The following AMER3 variants were observed in gnomAD, a reference collection of about 807,000 sequenced individuals.
AMER3 encodes APC membrane recruitment protein 3.
For missense variants in AMER3, 1,201 were observed against 1,139.4 expected (o/e 1.05, Z -0.78); for synonymous variants, 541 against 485.5 (o/e 1.11, Z -1.50).
rs1261329445 is a variant in AMER3 at position 130,767,384 on chromosome 2, A to T, written c.*2726A>T. On this transcript the variant is annotated 3_prime_UTR_variant, in exon 2 of 2. Transcript: ENST00000321420. ...GTGCTAGGGAAATCCCATCTCATGCAGAGCTCCCACCAAGAGGAGCGTGAG... is the reference window on the plus strand; with the variant it reads ...GTGCTAGGGAAATCCCATCTCATGCTGAGCTCCCACCAAGAGGAGCGTGAG... 6.0e-6 allele frequency: 1 copy of T among 166,926 alleles called. No homozygotes were observed. The highest frequency in any genetic ancestry group is 1.5e-5 in the Non-Finnish European group (1 of 68,158). The allele number at this position is 166,926 out of a possible 1,614,324, so 10.3% of individuals were successfully genotyped here. A position where few individuals can be genotyped will look rare whatever the true frequency, so the allele number is the denominator to read the frequency against.
At chr2:130,757,990 C>T (rs1029342247) in intron 1 of AMER3, among the ~76,000 whole-genome samples, 4 of 152,088 alleles carry the variant, frequency 2.6e-5, no homozygotes, top group Admixed American at 6.6e-5. Context: ...AAAAATTAGC[C>T]GGGCATGGTG....
At position 130,767,745 on chromosome 2, in the gene AMER3, TC is replaced by T. The variant is rs767942885; in HGVS notation, c.*3089del. 9 of 167,278 alleles carry T rather than the reference TC, an allele frequency of 5.4e-5. No homozygotes were observed. Among genetic ancestry groups the T allele is most frequent in the Non-Finnish European group, 1.3e-4 (9 of 68,270 alleles). The allele number at this position is 167,278 out of a possible 1,614,324, so 10.4% of individuals were successfully genotyped here. A position where few individuals can be genotyped will look rare whatever the true frequency, so the allele number is the denominator to read the frequency against. ...AGTTTCACCAGATTCGCTTACCTGA[TC>T]CTTGCATCAACCTCAATGCAGTTGT... On this transcript the variant is annotated 3_prime_UTR_variant, in exon 2 of 2. Transcript: ENST00000321420.
Position 130,763,687 on chromosome 2 carries a change from G to A in AMER3, c.1615G>A (p.Ala539Thr), listed in dbSNP as rs1382825465. The change falls in exon 2 of 2, where the codon GCA becomes ACA. Residue 539 changes from alanine (A) to threonine (T), a missense_variant. Ala to Thr is a moderately conservative substitution (Grantham distance 58). Coordinates refer to ENST00000321420, the MANE Select transcript of AMER3 (RefSeq NM_152698.3). The stretch of plus-strand genomic sequence containing the variant: ...ACCTGGTTCCCAGGGAGCCCCTAGG[G>A]CACCCACAGAGAAGCTGGGGGGCAG... ...APPGSQGAPR[A>T]PTEKLGGREG... 6.5e-7 allele frequency: 1 copy of A among 1,539,324 alleles called. No individual in the cohort carries two copies. Among genetic ancestry groups the A allele is most frequent in the Admixed American group, 2.1e-5 (1 of 47,690 alleles).
rs1264854124 is a variant in AMER3, at chr2:130,763,184, C to T, written c.1112C>T (p.Thr371Ile). 1 of 1,613,554 alleles carries T rather than the reference C, an allele frequency of 6.2e-7. No homozygotes were observed. The highest frequency in any genetic ancestry group is 1.3e-5 in the African/African-American group (1 of 74,932). Reference protein sequence around the residue: ...GSKASSIDTGTPKSEQPESVS... With the variant: ...GSKASSIDTGIPKSEQPESVS... ...AAAGCCAGCTCCATCGACACAGGCACCCCCAAGAGCGAGCAGCCCGAATCC... is the reference window on the plus strand; with the variant it reads ...AAAGCCAGCTCCATCGACACAGGCATCCCCAAGAGCGAGCAGCCCGAATCC... Residue 371 changes from threonine to isoleucine, a missense_variant, in exon 2 of 2, where the codon ACC (threonine) becomes ATC (isoleucine). Physicochemically the swap from Thr to Ile is moderately conservative, Grantham distance 89 (BLOSUM62 -1). Coordinates refer to ENST00000321420, the MANE Select transcript of AMER3 (RefSeq NM_152698.3).
At chr2:130,761,740 T>C (rs974993940) in intron 1 of AMER3, among the ~76,000 whole-genome samples, 1 of 152,082 alleles carries the variant, frequency 6.6e-6, no homozygotes. Flanking sequence ...ACGGATACAC[T>C]AAGGAGCTGT....
At chr2:130,758,956 CA>C (rs1402224442) in intron 1 of AMER3, among the ~76,000 whole-genome samples, 1 of 152,252 alleles carries the variant, frequency 6.6e-6, no homozygotes, top group Non-Finnish European at 1.5e-5. Flanking sequence ...AGAGAATTGT[CA>C]CAGAAGTTGA....
rs767986216 is a variant in AMER3, at chr2:130,763,117, G to C, written c.1045G>C (p.Glu349Gln). Residue 349 changes from glutamate (E) to glutamine (Q), a missense_variant, in exon 2 of 2, where the codon GAG (glutamate) becomes CAG (glutamine). Physicochemically the swap from Glu to Gln is conservative, Grantham distance 29. Transcript: ENST00000321420. ...CCGGCTGGACACAGCTGGGCTCGCT[G>C]AGCTGCCCCTCTGCCCCTGCAGGGA... is the stretch of plus-strand genomic sequence containing the variant. ...QSRLDTAGLAELPLCPCRDPR... is the reference protein window; with the variant it reads ...QSRLDTAGLAQLPLCPCRDPR... The C allele has an allele frequency of 9.9e-6, 16 of 1,613,074 alleles. No homozygotes were observed. In the Admixed American group the frequency reaches 2.7e-4, roughly 27 times the overall value.
Position 130,763,479 on chromosome 2 carries a change from C to G in AMER3, c.1407C>G (p.Asn469Lys). The change falls in exon 2 of 2, where the codon AAC becomes AAG. Residue 469 changes from asparagine to lysine, a missense_variant. Coordinates refer to ENST00000321420, the MANE Select transcript of AMER3 (RefSeq NM_152698.3). Reference protein sequence around the residue: ...ICSFRVGAEENLAPAPGPDLL... With the variant: ...ICSFRVGAEEKLAPAPGPDLL... The stretch of plus-strand genomic sequence containing the variant: ...GCTTCCGAGTGGGGGCCGAGGAGAA[C>G]TTGGCCCCAGCACCAGGCCCTGACC... 6.2e-7 allele frequency: 1 copy of G among 1,612,600 alleles called. No homozygotes were observed. The highest frequency in any genetic ancestry group is 8.5e-7 in the Non-Finnish European group (1 of 1,179,664).
Position 130,764,163 on chromosome 2 carries a change from A to C in AMER3, c.2091A>C (p.Pro697=). 1.9e-6 allele frequency: 3 copies of C among 1,608,964 alleles called. No individual in the cohort carries two copies. The highest frequency in any genetic ancestry group is 2.5e-6 in the Non-Finnish European group (3 of 1,177,280). Residue 697 remains proline (P), a synonymous_variant, in exon 2 of 2, where the codon CCA becomes CCC. Coordinates refer to ENST00000321420, the MANE Select transcript of AMER3 (RefSeq NM_152698.3). ...SNEQPPAAWP[P]RQDMGSGLFG... ...AACAGCCCCCGGCCGCATGGCCTCC[A>C]AGGCAAGACATGGGCAGTGGGCTCT...
intron 1 of AMER3, among the ~76,000 whole-genome samples, chr2:130,757,283 C>G (rs936582134): frequency 2.0e-5 from 3 of 152,230 alleles, no homozygotes; most frequent in Non-Finnish European, 4.4e-5. Flanking sequence ...AAATCCATGT[C>G]TGTGTGTGCC....
At chr2:130,758,628 T>C (rs985244000) in intron 1 of AMER3, among the ~76,000 whole-genome samples, 21 of 152,258 alleles carry the variant, frequency 1.4e-4, no homozygotes, top group African/African-American at 4.1e-4. Flanking sequence ...GTTGGAGTCC[T>C]GGACCTTAAA....
At position 130,764,756 on chromosome 2, in the gene AMER3, C is replaced by T; in HGVS notation, c.*98C>T. 8.3e-7 allele frequency: 1 copy of T among 1,200,490 alleles called. No homozygotes were observed. The highest frequency in any genetic ancestry group is 1.1e-6 in the Non-Finnish European group (1 of 871,856). The allele number at this position is 1,200,490 out of a possible 1,614,324, so 74.4% of individuals were successfully genotyped here. Reference sequence around the variant, plus strand: ...CTATCTTTTGTCCCTGATGTGGGGACTGTGTTGGGGGTGGGGGGTGGCAGG... The same window carrying T: ...CTATCTTTTGTCCCTGATGTGGGGATTGTGTTGGGGGTGGGGGGTGGCAGG... On this transcript the variant is annotated 3_prime_UTR_variant, in exon 2 of 2. Coordinates refer to ENST00000321420, the MANE Select transcript of AMER3 (RefSeq NM_152698.3).
intron 1 of AMER3, among the ~76,000 whole-genome samples, chr2:130,757,121 A>G (rs1422632058): frequency 6.6e-6 from 1 of 152,142 alleles, no homozygotes; most frequent in Non-Finnish European, 1.5e-5. Flanking sequence ...GCTCCATGAA[A>G]TCAAACACCG....
rs1163451505 is a variant in AMER3, at chr2:130,767,899, C to G, written c.*3241C>G. Reference sequence around the variant, plus strand: ...CAAAGGCCCTGCTCTTCCTCAAGCTCCAGAACCTCTCACTGAGCTCCTGCA... The same window carrying G: ...CAAAGGCCCTGCTCTTCCTCAAGCTGCAGAACCTCTCACTGAGCTCCTGCA... On this transcript the variant is annotated 3_prime_UTR_variant, in exon 2 of 2. Transcript: ENST00000321420. 1.2e-5 allele frequency: 2 copies of G among 167,266 alleles called. No individual in the cohort carries two copies. The highest frequency in any genetic ancestry group is 4.8e-5 in the African/African-American group (2 of 41,456). The allele number at this position is 167,266 out of a possible 1,614,324, so 10.4% of individuals were successfully genotyped here.
intron 1 of AMER3, among the ~76,000 whole-genome samples, chr2:130,760,780 T>C (rs1678752713): frequency 6.6e-6 from 1 of 151,914 alleles, no homozygotes; most frequent in African/African-American, 2.4e-5. Flanking sequence ...GTACTGAAGG[T>C]CTCCACAACA....
rs79572143 is a variant in AMER3 at position 130,765,450 on chromosome 2, A to G, written c.*792A>G. The G allele has an allele frequency of 2.7e-3, 450 of 167,152 alleles. 1 individual carries two copies. The highest frequency in any genetic ancestry group is 7.2e-3 in the African/African-American group (299 of 41,598). The allele number at this position is 167,152 out of a possible 1,614,324, so 10.4% of individuals were successfully genotyped here. On this transcript the variant is annotated 3_prime_UTR_variant, in exon 2 of 2. Coordinates refer to ENST00000321420, the MANE Select transcript of AMER3 (RefSeq NM_152698.3). Reference sequence around the variant, plus strand: ...CTAAGTCTTTTGACGAAGTCAATCTATGATGCGTCACCACCACACACACAG... The same window carrying G: ...CTAAGTCTTTTGACGAAGTCAATCTGTGATGCGTCACCACCACACACACAG...
Position 130,763,463 on chromosome 2 carries a change from T to G in AMER3, c.1391T>G (p.Val464Gly). The G allele has an allele frequency of 6.2e-7, 1 of 1,612,522 alleles. No homozygotes were observed. Among genetic ancestry groups the G allele is most frequent in the South Asian group, 1.1e-5 (1 of 91,048 alleles). The part of the protein sequence containing the change: ...GTPLSICSFR[V>G]GAEENLAPAP... ...CCACTGTCCATATGCAGCTTCCGAG[T>G]GGGGGCCGAGGAGAACTTGGCCCCA... The change falls in exon 2 of 2, where the codon GTG becomes GGG. Residue 464 changes from valine (V) to glycine (G), a missense_variant. Coordinates refer to ENST00000321420, the MANE Select transcript of AMER3 (RefSeq NM_152698.3).
rs1679035128 is a variant in AMER3 at position 130,768,124 on chromosome 2, T to C, written c.*3466T>C. ...GTAAATCCTTGTTGAAAGAATGAAGTGTCAAAAGGTTGTGCGTGCTTTTCT... is the reference window on the plus strand; with the variant it reads ...GTAAATCCTTGTTGAAAGAATGAAGCGTCAAAAGGTTGTGCGTGCTTTTCT... On this transcript the variant is annotated 3_prime_UTR_variant, in exon 2 of 2. Coordinates refer to ENST00000321420, the MANE Select transcript of AMER3 (RefSeq NM_152698.3). 6.0e-6 allele frequency: 1 copy of C among 167,100 alleles called. No individual in the cohort carries two copies. The highest frequency in any genetic ancestry group is 2.4e-5 in the African/African-American group (1 of 41,462). The allele number at this position is 167,100 out of a possible 1,614,324, so 10.4% of individuals were successfully genotyped here.
rs151222824 is a variant in AMER3, at chr2:130,762,123, C to T, written c.51C>T (p.Ser17=). ...KTFIKSSLQV[S]HEKPPDPAAV... ...TCATCAAGTCCAGCCTGCAGGTTTC[C>T]CACGAGAAACCCCCAGACCCAGCAG... Residue 17 remains serine (S), a synonymous_variant, in exon 2 of 2, where the codon TCC becomes TCT. Coordinates refer to ENST00000321420, the MANE Select transcript of AMER3 (RefSeq NM_152698.3). 3.0e-4 allele frequency: 476 copies of T among 1,610,888 alleles called. 6 individuals carry two copies. The South Asian group carries it at 3.9e-3, about 13-fold the overall frequency.
Sources: allele counts gnomAD v4.1 joint callset (sites outside exome capture counted in the v4.1 genomes callset), GRCh38; gene constraint gnomAD v4.1.1; transcripts MANE v1.5; gene names NCBI Gene and HGNC (gene_info 2026-07-23, HGNC 2026-07-21).